Variants in SF3B1 observed in about 807,000 individuals in gnomAD.
The protein encoded by SF3B1 is splicing factor 3b subunit 1, also known as pre-mRNA processing 10.
A neutral mutation model predicts 153.8 loss-of-function variants in SF3B1; 12 were observed. That is an observed-to-expected ratio of 0.08 (90% CI 0.05 to 0.13). SF3B1 has a LOEUF of 0.13. SF3B1 is among the 10% of genes least tolerant of loss of function. The pLI, the probability that SF3B1 is intolerant of heterozygous loss-of-function variation, is 1.00. For synonymous variants in SF3B1, 498 were observed against 525.2 expected (o/e 0.95, Z 0.71); for missense variants, 513 against 1,606.1 (o/e 0.32, Z 11.63).
Position 197,392,377 on chromosome 2 carries a change from T to C in SF3B1, c.3841A>G (p.Ile1281Val). Reference protein sequence around the residue: ...SIYIGSQDALIAHYPRIYNDD... With the variant: ...SIYIGSQDALVAHYPRIYNDD... ...TTGTAGATTCTTGGGTAATGTGCTA[T>C]GAGAGCGTCCTGGGAACCAATGTAG... Residue 1281 changes from isoleucine (I) to valine (V), a missense_variant, in exon 25 of 25, where the codon ATA becomes GTA. By Grantham distance (29) the Ile-to-Val change is conservative (BLOSUM62 3). Coordinates refer to ENST00000335508, the MANE Select transcript of SF3B1 (RefSeq NM_012433.4). The C allele has an allele frequency of 6.2e-7, 1 of 1,605,166 alleles. No individual in the cohort carries two copies. Among genetic ancestry groups the C allele is most frequent in the Non-Finnish European group, 8.5e-7 (1 of 1,171,928 alleles).
At chr2:197,399,286 G>A (rs536089151) in intron 20 of SF3B1, among the ~76,000 whole-genome samples, 114 of 152,172 alleles carry the variant, frequency 7.5e-4, no homozygotes, top group Admixed American at 1.2e-3. Context: ...CATGTGTATC[G>A]CATAAATACC....
intron 12 of SF3B1, among the ~76,000 whole-genome samples, 154 bp downstream of exon 12, chr2:197,403,431 C>CTT (rs1437941785): frequency 2.6e-5 from 4 of 152,224 alleles, no homozygotes; most frequent in Admixed American, 6.5e-5. Context: ...ATGACAAAAA[C>CTT]TAACATCTGT....
intron 4 of SF3B1, 76 bp from the exon 5 acceptor site, chr2:197,418,664 T>G: frequency 6.5e-7 from 1 of 1,536,228 alleles, no homozygotes; most frequent in Non-Finnish European, 8.8e-7. Context: ...TTATCTGCCC[T>G]GCTCTAAATA....
chr2:197,399,991 G>GA (rs956486051), intron 20 of SF3B1, 64 bp downstream of exon 20: 20,013 of 942,334 alleles, frequency 0.021, 1 homozygote, highest in South Asian at 0.028. Context: ...TTTTACTTAC[G>GA]AAAAAAAAAA....
At chr2:197,405,544 T>TA in intron 9 of SF3B1, 72 bp from the exon 10 acceptor site, 1 of 1,064,778 alleles carries the variant, frequency 9.4e-7, no homozygotes, top group South Asian at 1.5e-5. Flanking sequence ...TATTTGCACT[T>TA]AAAATATTTT....
At chr2:197,424,237 G>A (rs1483932315) in intron 1 of SF3B1, among the ~76,000 whole-genome samples, 3 of 152,164 alleles carry the variant, frequency 2.0e-5, no homozygotes, top group African/African-American at 4.8e-5. Flanking sequence ...TGTGGCTCAC[G>A]CCTATAATCC....
At chr2:197,418,359 A>C in intron 5 of SF3B1, 150 bp downstream of exon 5, 1 of 500,820 alleles carries the variant, frequency 2.0e-6, no homozygotes, top group Non-Finnish European at 3.4e-6. Context: ...GGAAGGTGGT[A>C]TAATTTGGGG....
At position 197,391,212 on chromosome 2, in the gene SF3B1, T is replaced by C. The variant is rs1387049501; in HGVS notation, c.*1091A>G. The stretch of plus-strand genomic sequence containing the variant: ...CCTCTACCATTAAATGGCATTTCAT[T>C]CAGTTTATGCTGAACTCTTAGATCA... On this transcript the variant is annotated 3_prime_UTR_variant, in exon 25 of 25. Coordinates refer to ENST00000335508, the MANE Select transcript of SF3B1 (RefSeq NM_012433.4). 1 of 152,250 alleles carries C rather than the reference T, an allele frequency of 6.6e-6. No individual in the cohort carries two copies. Among genetic ancestry groups the C allele is most frequent in the Non-Finnish European group, 1.5e-5 (1 of 68,042 alleles). The allele number at this position is 152,250 out of a possible 1,614,324, so 9.4% of individuals were successfully genotyped here.
chr2:197,393,267 GT>G, intron 23 of SF3B1, 79 bp from the exon 24 acceptor site: 2 of 899,174 alleles, frequency 2.2e-6, no homozygotes, highest in Non-Finnish European at 3.6e-6. Context: ...TACAGTCTTA[GT>G]TTTACAGGAA....
Position 197,392,271 on chromosome 2 carries a change from G to A in SF3B1, c.*32C>T, listed in dbSNP as rs763541081. On this transcript the variant is annotated 3_prime_UTR_variant, in exon 25 of 25. Transcript: ENST00000335508. ...CAAAGCAAGTTTAAGGTGTGAAGTA[G>A]CTGTGCATTAAACACAAAATAAACA... 4 of 874,672 alleles carry A rather than the reference G, an allele frequency of 4.6e-6. No homozygotes were observed. In the African/African-American group the frequency reaches 5.0e-5, roughly 11 times the overall value. The allele number at this position is 874,672 out of a possible 1,614,324, so 54.2% of individuals were successfully genotyped here.
chr2:197,393,323 T>C, intron 23 of SF3B1, 135 bp from the exon 24 acceptor site: 1 of 643,758 alleles, frequency 1.6e-6, no homozygotes, highest in East Asian at 2.7e-5. Context: ...TTCAGTGCAC[T>C]GAATAGATGT....
At chr2:197,423,290 G>T (rs1366590763) in intron 2 of SF3B1, among the ~76,000 whole-genome samples, 1 of 151,866 alleles carries the variant, frequency 6.6e-6, no homozygotes, top group Non-Finnish European at 1.5e-5. Context: ...GGGAGGCTGA[G>T]GCAGGAGAAT....
chr2:197,433,496 C>G (rs1358422157), intron 1 of SF3B1, among the ~76,000 whole-genome samples: 1 of 152,204 alleles, frequency 6.6e-6, no homozygotes, highest in Admixed American at 6.5e-5. Flanking sequence ...TTTATATTTT[C>G]TACTTACTTT....
Position 197,396,103 on chromosome 2 carries a change from G to A in SF3B1, c.3492C>T (p.Asp1164=), listed in dbSNP as rs376504968. ...LFEYIGEMGK[D]YIYAVTPLLE... Reference sequence around the variant, plus strand: ...GTAACGGTGTTACGGCATAAATGTAGTCTTTTCCCATTTCACCAATATATT... The same window carrying A: ...GTAACGGTGTTACGGCATAAATGTAATCTTTTCCCATTTCACCAATATATT... The change falls in exon 23 of 25, where the codon GAC becomes GAT. Residue 1164 remains aspartate, a synonymous_variant. Coordinates refer to ENST00000335508, the MANE Select transcript of SF3B1 (RefSeq NM_012433.4). 9 of 1,613,588 alleles carry A rather than the reference G, an allele frequency of 5.6e-6. No individual in the cohort carries two copies. Among genetic ancestry groups the A allele is most frequent in the Non-Finnish European group, 7.6e-6 (9 of 1,179,674 alleles).
intron 6 of SF3B1, among the ~76,000 whole-genome samples, chr2:197,413,479 T>C (rs566436803): frequency 6.6e-6 from 1 of 152,150 alleles, no homozygotes; most frequent in Non-Finnish European, 1.5e-5. Context: ...CTCCTACATA[T>C]AACCAAGCAA....
chr2:197,420,429 A>G lies in SF3B1; in HGVS notation c.414T>C (p.Asp138=). The change falls in exon 4 of 25, where the codon GAT becomes GAC. Residue 138 remains aspartate (D), a splice_region_variant and synonymous_variant. Coordinates refer to ENST00000335508, the MANE Select transcript of SF3B1 (RefSeq NM_012433.4). ...ISPERLDPFA[D]GGKTPDPKMN... ...TATAGAAAAGTGGGAAAGAATTACC[A>G]TCTGCAAAAGGATCAAGACGCTCTG... 2 of 1,604,232 alleles carry G rather than the reference A, an allele frequency of 1.2e-6. No individual in the cohort carries two copies. The highest frequency in any genetic ancestry group is 1.7e-6 in the Non-Finnish European group (2 of 1,171,052).
intron 6 of SF3B1, 147 bp from the exon 7 acceptor site, chr2:197,410,154 G>C: frequency 5.4e-6 from 3 of 558,274 alleles, no homozygotes; most frequent in Non-Finnish European, 9.4e-6. Flanking sequence ...TCTACTTATA[G>C]GAAAAGATAC....
In SF3B1 at chr2:197,411,728, TCATCTACCTTTATGTTTGCAA is replaced by T. The variant is rs2085071485; in HGVS notation, c.667-1742_667-1722del. Among the ~76,000 whole-genome samples the T allele has an allele frequency of 1.3e-5, 2 of 151,816 alleles. 1 individual carries two copies. Among genetic ancestry groups the T allele is most frequent in the South Asian group, 4.2e-4 (2 of 4,804 alleles). ...GGGAGCTCTTATAGACACAAGGACT[TCATCTACCTTTATGTTTGCAA>T]ATTTGCATGGTACCATTAAACAAGT... On this transcript the variant is annotated intron_variant, in intron 6 of 24. Transcript: ENST00000335508.
intron 7 of SF3B1, 83 bp from the exon 8 acceptor site, chr2:197,408,664 A>C: frequency 1.0e-6 from 1 of 955,134 alleles, no homozygotes; most frequent in Non-Finnish European, 1.6e-6. Flanking sequence ...TTATACTCAA[A>C]ACTATCAAGT....
Sources: gnomAD v4.1 joint callset for allele counts (sites outside exome capture counted in the v4.1 genomes callset) on GRCh38, gnomAD v4.1.1 for gene constraint, MANE v1.5 for transcripts, NCBI Gene and HGNC (gene_info 2026-07-23, HGNC 2026-07-21) for gene names.